The following MBNL1 variants were observed in gnomAD, a reference collection of about 807,000 sequenced individuals.
MBNL1 encodes the protein muscleblind-like protein 1.
A neutral mutation model predicts 42.2 loss-of-function variants in MBNL1; 8 were observed. The observed-to-expected ratio is 0.19, with a 90% CI of 0.11 to 0.34. MBNL1 has a LOEUF of 0.34. Among genes scored for constraint, MBNL1 ranks in the 10% least tolerant of loss-of-function variants. The pLI, the probability that MBNL1 is intolerant of heterozygous loss-of-function variation, is 1.00. For synonymous variants in MBNL1, 169 were observed against 173.9 expected (o/e 0.97, Z 0.22); for missense variants, 309 against 495.3 (o/e 0.62, Z 3.57).
At chr3:152,421,815 T>G (rs969314405) in intron 3 of MBNL1, among the ~76,000 whole-genome samples, 3 of 152,146 alleles carry the variant, frequency 2.0e-5, no homozygotes, top group African/African-American at 7.2e-5. Context: ...CAGAATTTCA[T>G]AGCCAGACAA....
intron 2 of MBNL1, among the ~76,000 whole-genome samples, chr3:152,385,822 T>C (rs2097390573): frequency 6.6e-6 from 1 of 152,056 alleles, no homozygotes; most frequent in South Asian, 2.1e-4. Context: ...GCACTATGTC[T>C]AGAATTCTTG....
At chr3:152,453,019 C>T (rs770717348) in intron 6 of MBNL1, among the ~76,000 whole-genome samples, 10 of 151,494 alleles carry the variant, frequency 6.6e-5, no homozygotes, top group Non-Finnish European at 1.0e-4. Context: ...TACATATAAT[C>T]ATTTATAATT....
chr3:152,330,006 G>C (rs2083258113), intron 2 of MBNL1, among the ~76,000 whole-genome samples: 1 of 151,838 alleles, frequency 6.6e-6, no homozygotes, highest in African/African-American at 2.4e-5. Context: ...CAGAAAACAA[G>C]ATAGTAAACA....
chr3:152,455,423 C>G (rs950578540), intron 6 of MBNL1, 119 bp from the exon 7 acceptor site: 2 of 782,432 alleles, frequency 2.6e-6, no homozygotes, highest in Non-Finnish European at 4.6e-6. Context: ...TGCCACTGTT[C>G]CCATAATAAC....
At chr3:152,392,166 A>G (rs1309740348) in intron 2 of MBNL1, among the ~76,000 whole-genome samples, 2 of 152,136 alleles carry the variant, frequency 1.3e-5, no homozygotes, top group Non-Finnish European at 2.9e-5. Context: ...CTCTTTACGT[A>G]GTGCAACATG....
rs2099022142 is a variant in MBNL1 at position 152,432,652 on chromosome 3, A to G, written c.346-65A>G. 2.9e-6 allele frequency: 4 copies of G among 1,380,160 alleles called. No homozygotes were observed. In the Admixed American group the frequency reaches 5.0e-5, roughly 17 times the overall value. The allele number at this position is 1,380,160 out of a possible 1,614,324, so 85.5% of individuals were successfully genotyped here. On this transcript the variant is annotated intron_variant, in intron 3 of 9. Coordinates refer to ENST00000324210, the MANE Select transcript of MBNL1 (RefSeq NM_021038.5). ...ATAGATGGATGGAGGACAAATGTAT[A>G]ATTAAGAATATCAACTTTGAGCTGA... is the stretch of plus-strand genomic sequence containing the variant.
chr3:152,441,222 T>C (rs1339113908), intron 4 of MBNL1, among the ~76,000 whole-genome samples: 1 of 152,204 alleles, frequency 6.6e-6, no homozygotes, highest in Non-Finnish European at 1.5e-5. Flanking sequence ...AGAATCCCAG[T>C]GCTTTAACTT....
chr3:152,286,695 A>C (rs1375578299), intron 1 of MBNL1, among the ~76,000 whole-genome samples: 1 of 151,484 alleles, frequency 6.6e-6, no homozygotes, highest in East Asian at 1.9e-4. Context: ...AAATATCACA[A>C]TCTGTAAAGC....
rs1206433637 is a variant in MBNL1 at position 152,460,682 on chromosome 3, A to G, written c.*18+1337A>G. ...AGGTGTCCATTTTTCATCCATAGGAATATGTTTTGTCCAGTATGCATGCAT... is the reference window on the plus strand; with the variant it reads ...AGGTGTCCATTTTTCATCCATAGGAGTATGTTTTGTCCAGTATGCATGCAT... On this transcript the variant is annotated intron_variant, in intron 9 of 9. Coordinates refer to ENST00000324210, the MANE Select transcript of MBNL1 (RefSeq NM_021038.5). Among the ~76,000 whole-genome samples, 4 of 152,198 alleles carry G rather than the reference A, an allele frequency of 2.6e-5. No homozygotes were observed. The East Asian group carries it at 7.7e-4, about 29-fold the overall frequency.
intron 2 of MBNL1, among the ~76,000 whole-genome samples, chr3:152,330,953 C>A (rs2083981440): frequency 6.6e-6 from 1 of 152,064 alleles, no homozygotes; most frequent in Non-Finnish European, 1.5e-5. Context: ...GTAAGCCATT[C>A]CCATTGATTT....
intron 1 of MBNL1, among the ~76,000 whole-genome samples, chr3:152,273,453 G>T (rs902004118): frequency 1.3e-5 from 2 of 151,918 alleles, no homozygotes; most frequent in Admixed American, 1.3e-4. Flanking sequence ...TCAGATAATC[G>T]TTCATGTTTT....
chr3:152,429,931 G>A (rs953888815), intron 3 of MBNL1, among the ~76,000 whole-genome samples: 1 of 152,146 alleles, frequency 6.6e-6, no homozygotes, highest in Non-Finnish European at 1.5e-5. Context: ...TTGAGATAGT[G>A]CTTGCTGAAT....
Position 152,332,743 on chromosome 3 carries a change from C to T in MBNL1, c.174+32376C>T, listed in dbSNP as rs13061879. The stretch of plus-strand genomic sequence containing the variant: ...GTGTGTGTGTGTGTGTGTGTGTGCG[C>T]GCGCGCATGCGCACACACTAGTTTA... On this transcript the variant is annotated intron_variant, in intron 2 of 9. Transcript: ENST00000324210. 3.4e-3 allele frequency among the ~76,000 whole-genome samples: 471 copies of T among 138,392 alleles called. 5 individuals are homozygous for T. The highest frequency in any genetic ancestry group is 0.01 in the African/African-American group (380 of 36,656). 90.8% of individuals were successfully genotyped at this position (138,392 alleles called of 152,430 possible).
In MBNL1 at chr3:152,356,870, T is replaced by TGTGTGTGTGTGC. The variant is rs1484454591; in HGVS notation, c.174+56513_174+56514insGCGTGTGTGTGT. Among the ~76,000 whole-genome samples, 6 of 151,862 alleles carry TGTGTGTGTGTGC rather than the reference T, an allele frequency of 4.0e-5. No individual in the cohort carries two copies. In the East Asian group the frequency reaches 1.2e-3, roughly 29 times the overall value. On this transcript the variant is annotated intron_variant, in intron 2 of 9. Transcript: ENST00000324210. Reference sequence around the variant, plus strand: ...CATATGTGTGTAGTGTGTGTGTGTGTGTGTGTGTGTTCTTACTGTAACCCA... The same window carrying TGTGTGTGTGTGC: ...CATATGTGTGTAGTGTGTGTGTGTGTGTGTGTGTGTGCGTGTGTGTGTTCTTACTGTAACCCA...
intron 2 of MBNL1, among the ~76,000 whole-genome samples, chr3:152,313,302 T>G (rs1446117800): frequency 6.6e-6 from 1 of 152,096 alleles, no homozygotes; most frequent in African/African-American, 2.4e-5. Flanking sequence ...GGATTACAGG[T>G]GTGAGCCACC....
At chr3:152,346,908 G>A (rs886540197) in intron 2 of MBNL1, among the ~76,000 whole-genome samples, 15 of 150,840 alleles carry the variant, frequency 9.9e-5, no homozygotes, top group Admixed American at 6.6e-4. Context: ...ACCAGTCATG[G>A]TGACTCACGC....
chr3:152,440,029 T>A (rs964003087), intron 4 of MBNL1, among the ~76,000 whole-genome samples: 8 of 152,176 alleles, frequency 5.3e-5, no homozygotes, highest in Non-Finnish European at 8.8e-5. Flanking sequence ...CTTTGGTCAT[T>A]CCTATTCAGA....
At chr3:152,358,341 A>G (rs1027379285) in intron 2 of MBNL1, among the ~76,000 whole-genome samples, 1 of 152,186 alleles carries the variant, frequency 6.6e-6, no homozygotes, top group Non-Finnish European at 1.5e-5. Flanking sequence ...AAATGTGTTG[A>G]TGAAGATAGT....
chr3:152,438,323 T>G (rs779413282), intron 4 of MBNL1, among the ~76,000 whole-genome samples: 1 of 152,218 alleles, frequency 6.6e-6, no homozygotes, highest in Non-Finnish European at 1.5e-5. Context: ...CCCAAACTCA[T>G]GACTGATGCC....
Sources: allele counts gnomAD v4.1 joint callset (sites outside exome capture counted in the v4.1 genomes callset), GRCh38; gene constraint gnomAD v4.1.1; transcripts MANE v1.5; gene names NCBI Gene and HGNC (gene_info 2026-07-23, HGNC 2026-07-21).